Variants in RARB observed in about 807,000 individuals in gnomAD.
RARB encodes retinoic acid receptor beta.
In RARB, 17 loss-of-function variants were observed where a neutral mutation model predicts 51.9. That is an observed-to-expected ratio of 0.33 (90% CI 0.22 to 0.49). The LOEUF is 0.49. RARB is among the 20% of genes least tolerant of loss of function. The pLI, the probability that RARB is intolerant of heterozygous loss-of-function variation, is 0.99. For synonymous variants in RARB, 215 were observed against 195.4 expected (o/e 1.10, Z -0.84); for missense variants, 369 against 550.8 (o/e 0.67, Z 3.30).
intron 5 of RARB, among the ~76,000 whole-genome samples, chr3:25,177,291 G>A (rs1193157153): frequency 2.0e-5 from 3 of 152,062 alleles, no homozygotes; most frequent in African/African-American, 7.2e-5. Context: ...CCACAGACTT[G>A]GCTAAAAATA....
intron 5 of RARB, among the ~76,000 whole-genome samples, chr3:25,358,390 C>T (rs9834082): frequency 0.098 from 14,877 of 152,028 alleles, 838 homozygotes; most frequent in South Asian, 0.19. Flanking sequence ...GCTGGGACAA[C>T]GGGGTTTTCT....
At chr3:24,913,454 G>A (rs538310024) in intron 2 of RARB, among the ~76,000 whole-genome samples, 1 of 136,168 alleles carries the variant, frequency 7.3e-6, no homozygotes, top group East Asian at 2.2e-4. Flanking sequence ...TAATTCAGAA[G>A]TATAGCTCAT....
chr3:25,263,624 T>TA (rs1243699722), intron 5 of RARB, among the ~76,000 whole-genome samples: 1 of 152,170 alleles, frequency 6.6e-6, no homozygotes, highest in African/African-American at 2.4e-5. Context: ...GCCTCAAGTG[T>TA]AAAAAATGAG....
intron 2 of RARB, among the ~76,000 whole-genome samples, chr3:24,916,875 G>A (rs1235376771): frequency 6.6e-6 from 1 of 151,716 alleles, no homozygotes; most frequent in Non-Finnish European, 1.5e-5. Flanking sequence ...ACAAACTGCA[G>A]CCTACCTGTA....
Position 25,238,714 on chromosome 3 carries a change from G to A in RARB, c.178+64139G>A, listed in dbSNP as rs148834817. Among the ~76,000 whole-genome samples the A allele has an allele frequency of 2.4e-3, 363 of 152,234 alleles. 1 individual carries two copies. The highest frequency in any genetic ancestry group is 7.9e-3 in the African/African-American group (328 of 41,544). ...ATAATACCTGTGGGCTGGGTGCAGT[G>A]GCTCATACCTGTAATCCCAGTACTT... On this transcript the variant is annotated intron_variant, in intron 5 of 11. Coordinates refer to the RARB transcript ENST00000383772.
chr3:24,909,568 T>C (rs1419783998), intron 2 of RARB, among the ~76,000 whole-genome samples: 1 of 152,084 alleles, frequency 6.6e-6, no homozygotes, highest in East Asian at 1.9e-4. Flanking sequence ...TTCATCTTTT[T>C]TTTTTTTTTT....
intron 3 of RARB, among the ~76,000 whole-genome samples, chr3:25,511,294 G>A (rs987267397): frequency 3.3e-5 from 5 of 151,918 alleles, no homozygotes; most frequent in African/African-American, 7.3e-5. Context: ...CACCACGCTC[G>A]GCTAATTTTT....
chr3:24,913,403 T>TC (rs57337102), intron 2 of RARB, among the ~76,000 whole-genome samples: 22,259 of 115,260 alleles, frequency 0.19, 1,352 homozygotes, highest in African/African-American at 0.31. Context: ...TCTCTCTCTC[T>TC]TTTTTTTTTT....
intron 5 of RARB, among the ~76,000 whole-genome samples, chr3:25,402,522 G>A (rs767461676): frequency 1.4e-4 from 21 of 152,278 alleles, no homozygotes; most frequent in Admixed American, 4.6e-4. Context: ...GTCCAGTGCT[G>A]TTTACAATAG....
At chr3:25,444,926 G>C (rs186851747) in intron 1 of RARB, among the ~76,000 whole-genome samples, 1 of 152,000 alleles carries the variant, frequency 6.6e-6, no homozygotes, top group African/African-American at 2.4e-5. Context: ...CAGTTAGCTG[G>C]AGAAATGAAT....
intron 5 of RARB, among the ~76,000 whole-genome samples, chr3:25,208,733 A>T (rs1383906341): frequency 1.3e-5 from 2 of 152,134 alleles, no homozygotes; most frequent in African/African-American, 4.8e-5. Context: ...TTCTTAAAGC[A>T]ATGAGATCTC....
chr3:25,276,050 G>C (rs1703373558), intron 5 of RARB, among the ~76,000 whole-genome samples: 1 of 152,344 alleles, frequency 6.6e-6, no homozygotes, highest in Admixed American at 6.5e-5. Flanking sequence ...CTGAGGCTCA[G>C]CTTCCCCTTC....
intron 4 of RARB, among the ~76,000 whole-genome samples, chr3:25,169,686 C>A (rs1700611392): frequency 6.6e-6 from 1 of 151,686 alleles, no homozygotes; most frequent in African/African-American, 2.4e-5. Context: ...TAGTAGGAAC[C>A]AATAGATAAA....
At chr3:25,339,755 G>A (rs1316061170) in intron 5 of RARB, among the ~76,000 whole-genome samples, 2 of 151,968 alleles carry the variant, frequency 1.3e-5, no homozygotes, top group Non-Finnish European at 2.9e-5. Context: ...ATTCCCAGGA[G>A]CCATAGCATT....
chr3:25,501,865 G>A (rs1153583), intron 3 of RARB, among the ~76,000 whole-genome samples: 76,854 of 152,042 alleles, frequency 0.51, 20,530 homozygotes, highest in African/African-American at 0.68. Context: ...CACTTTATTA[G>A]TGCAAAAGAT....
intron 3 of RARB, among the ~76,000 whole-genome samples, chr3:25,506,808 G>A (rs920014995): frequency 6.6e-6 from 1 of 152,236 alleles, no homozygotes; most frequent in Non-Finnish European, 1.5e-5. Context: ...GGCTCATCCG[G>A]TGGCCAAGGA....
intron 5 of RARB, among the ~76,000 whole-genome samples, chr3:25,402,940 C>T (rs748756566): frequency 1.7e-4 from 26 of 151,912 alleles, no homozygotes; most frequent in Middle Eastern, 3.4e-3. Flanking sequence ...TGAGACAGGC[C>T]GATCATGAGG....
intron 3 of RARB, among the ~76,000 whole-genome samples, chr3:25,070,691 A>G (rs1698749977): frequency 2.0e-5 from 3 of 152,210 alleles, no homozygotes; most frequent in African/African-American, 4.8e-5. Context: ...TCCTTTAACC[A>G]TCATGACAAC....
At chr3:24,937,117 CAT>C (rs1320981207) in intron 2 of RARB, among the ~76,000 whole-genome samples, 1 of 152,180 alleles carries the variant, frequency 6.6e-6, no homozygotes. Flanking sequence ...GTGATTGTCT[CAT>C]ATAAGGCATG....
Sources: allele counts gnomAD v4.1 joint callset (sites outside exome capture counted in the v4.1 genomes callset), GRCh38; gene constraint gnomAD v4.1.1; transcripts MANE v1.5; gene names NCBI Gene and HGNC (gene_info 2026-07-23, HGNC 2026-07-21).